The following FAIM variants were observed in gnomAD, a reference collection of about 807,000 sequenced individuals.
FAIM encodes the protein Fas apoptotic inhibitory molecule.
FAIM carries 14 observed loss-of-function variants against 21.2 expected under a neutral mutation model. The observed-to-expected ratio is 0.66, with a 90% CI of 0.44 to 1.03. The LOEUF (loss-of-function observed/expected upper bound fraction) is 1.03. Ranked by LOEUF, FAIM falls within the 50% of genes least tolerant of loss-of-function variation. FAIM has a pLI of 0.00. For synonymous variants in FAIM, 86 were observed against 80.4 expected (o/e 1.07, Z -0.37); for missense variants, 222 against 247.1 (o/e 0.90, Z 0.68).
chr3:138,632,945 G>C lies in FAIM; in HGVS notation c.472G>C (p.Asp158His). 6.2e-7 allele frequency: 1 copy of C among 1,613,074 alleles called. No homozygotes were observed. Among genetic ancestry groups the C allele is most frequent in the Non-Finnish European group, 8.5e-7 (1 of 1,179,590 alleles). ...KLETAGEFVD[D>H]GTETHFSIGN... ...GTTGCTCCAGGGTGAGTTTGTAGAT[G>C]ATGGGACTGAAACTCACTTCAGTAT... The change falls in exon 6 of 6, where the codon GAT (aspartate) becomes CAT (histidine). Residue 158 changes from aspartate to histidine, a missense_variant. Asp to His is a moderately conservative substitution (Grantham distance 81). Coordinates refer to ENST00000360570, the MANE Select transcript of FAIM (RefSeq NM_001033031.2).
chr3:138,618,713 T>C (rs1322927160), intron 1 of FAIM, among the ~76,000 whole-genome samples: 1 of 152,160 alleles, frequency 6.6e-6, no homozygotes, highest in African/African-American at 2.4e-5. Context: ...TTCTGGCTGT[T>C]TCCAGACAGA....
chr3:138,619,814 A>G (rs759099314), intron 2 of FAIM, 44 bp downstream of exon 2: 3 of 1,528,248 alleles, frequency 2.0e-6, no homozygotes, highest in East Asian at 4.5e-5. Context: ...GACATTTTCA[A>G]GATTGTTATC....
At chr3:138,612,523 T>A (rs2042781657) in intron 1 of FAIM, among the ~76,000 whole-genome samples, 3 of 152,376 alleles carry the variant, frequency 2.0e-5, no homozygotes, top group African/African-American at 7.2e-5. Flanking sequence ...ATATGCATTT[T>A]ATCACTTCTC....
At chr3:138,609,804 T>C (rs529152025) in intron 1 of FAIM, among the ~76,000 whole-genome samples, 10 of 152,200 alleles carry the variant, frequency 6.6e-5, no homozygotes, top group African/African-American at 2.4e-4. Flanking sequence ...AGCATCGTTG[T>C]ATCTGGGTTT....
chr3:138,612,757 T>G (rs1577005192), intron 1 of FAIM, among the ~76,000 whole-genome samples: 1 of 152,218 alleles, frequency 6.6e-6, no homozygotes, highest in East Asian at 1.9e-4. Flanking sequence ...AACTGTCATA[T>G]CATTTTGTAT....
chr3:138,632,414 G>C (rs1235020412), intron 5 of FAIM, among the ~76,000 whole-genome samples: 1 of 151,990 alleles, frequency 6.6e-6, no homozygotes, highest in Non-Finnish European at 1.5e-5. Context: ...TGTGGCCAGT[G>C]GCTACTGTAT....
At position 138,619,693 on chromosome 3, in the gene FAIM, C is replaced by T; in HGVS notation, c.-16-18C>T. ...GCAATTCTGCTTTTTTCTTTCCTGG[C>T]TGCTAATTGGATTAAAGACTGTTTT... On this transcript the variant is annotated intron_variant, in intron 1 of 5. Coordinates refer to ENST00000360570, the MANE Select transcript of FAIM (RefSeq NM_001033031.2). The T allele has an allele frequency of 1.2e-6, 2 of 1,609,156 alleles. No homozygotes were observed. Among genetic ancestry groups the T allele is most frequent in the Non-Finnish European group, 1.7e-6 (2 of 1,178,148 alleles).
chr3:138,622,606 G>T (rs2042900190), intron 4 of FAIM, among the ~76,000 whole-genome samples, 190 bp downstream of exon 4: 1 of 152,078 alleles, frequency 6.6e-6, no homozygotes, highest in South Asian at 2.1e-4. Flanking sequence ...TCTAGCAGGT[G>T]TGTATATTGT....
intron 4 of FAIM, among the ~76,000 whole-genome samples, chr3:138,628,128 AGT>A (rs1340375175): frequency 3.9e-5 from 6 of 152,164 alleles, no homozygotes; most frequent in Non-Finnish European, 8.8e-5. Context: ...GATCCATTTA[AGT>A]GTGTCGGGGC....
intron 5 of FAIM, chr3:138,629,719 T>C (rs2042983099): frequency 6.6e-6 from 1 of 152,030 alleles, no homozygotes; most frequent in Non-Finnish European, 1.5e-5. Flanking sequence ...GACACGAAGG[T>C]AGACGAACAG....
At chr3:138,610,829 C>T (rs922624282) in intron 1 of FAIM, 18 of 720,706 alleles carry the variant, frequency 2.5e-5, no homozygotes, top group African/African-American at 1.2e-4. Flanking sequence ...GTGATCCGAC[C>T]GCCTTGACCT....
chr3:138,629,273 A>C, intron 5 of FAIM, 117 bp downstream of exon 5: 1 of 806,750 alleles, frequency 1.2e-6, no homozygotes, highest in South Asian at 1.7e-5. Flanking sequence ...GATAAAAACA[A>C]AAAAGGGATT....
At chr3:138,631,038 G>C (rs1209148196) in intron 5 of FAIM, 2 of 151,952 alleles carry the variant, frequency 1.3e-5, no homozygotes, top group Non-Finnish European at 2.9e-5. Context: ...TCAGGAGGCT[G>C]AGGTGGAAGA....
intron 1 of FAIM, among the ~76,000 whole-genome samples, chr3:138,618,633 A>C (rs2042853069): frequency 6.6e-6 from 1 of 152,188 alleles, no homozygotes; most frequent in Admixed American, 6.5e-5. Context: ...ATGCCACTGC[A>C]CTCCAGCTTG....
chr3:138,633,061 C>T lies in FAIM; in HGVS notation c.588C>T (p.Ile196=), dbSNP rs2043024229. The T allele has an allele frequency of 1.9e-6, 3 of 1,611,618 alleles. No individual in the cohort carries two copies. Among genetic ancestry groups the T allele is most frequent in the Admixed American group, 3.4e-5 (2 of 59,604 alleles). The change falls in exon 6 of 6, where the codon ATC becomes ATT. Residue 196 remains isoleucine (I), a synonymous_variant. Coordinates refer to ENST00000360570, the MANE Select transcript of FAIM (RefSeq NM_001033031.2). ...CTCTCATTGTGGATAATAGAGAAAT[C>T]CCAGAGATTGCAAGTTAATGAATTT... ...IHTLIVDNRE[I]PEIAS
At chr3:138,614,925 A>G (rs2042810579) in intron 1 of FAIM, among the ~76,000 whole-genome samples, 1 of 152,220 alleles carries the variant, frequency 6.6e-6, no homozygotes, top group Admixed American at 6.5e-5. Context: ...TGGGCAGCAG[A>G]ACAAGACCCT....
At chr3:138,629,191 T>C (rs765025151) in intron 5 of FAIM, 35 bp downstream of exon 5, 50 of 1,526,516 alleles carry the variant, frequency 3.3e-5, no homozygotes, top group Non-Finnish European at 4.4e-5. Context: ...AAGTGCCATG[T>C]GTCTCAGTTA....
At chr3:138,612,105 T>C (rs932393514) in intron 1 of FAIM, among the ~76,000 whole-genome samples, 12 of 146,740 alleles carry the variant, frequency 8.2e-5, no homozygotes, top group Non-Finnish European at 1.5e-5. Flanking sequence ...TATTTTTTTT[T>C]TTTTTTTTTT....
intron 1 of FAIM, among the ~76,000 whole-genome samples, chr3:138,617,675 G>A (rs2042840627): frequency 7.7e-6 from 1 of 129,886 alleles, no homozygotes; most frequent in Non-Finnish European, 1.6e-5. Flanking sequence ...TATATGTTTT[G>A]AGACAGGGTC....
Sources: gnomAD v4.1 joint callset for allele counts (sites outside exome capture counted in the v4.1 genomes callset) on GRCh38, gnomAD v4.1.1 for gene constraint, MANE v1.5 for transcripts, NCBI Gene and HGNC (gene_info 2026-07-23, HGNC 2026-07-21) for gene names.